DIP2C: variants seen among roughly 807,000 people sequenced by gnomAD.
DIP2C encodes the protein DIP2 acetate--CoA ligase C (putative).
A neutral mutation model predicts 192.4 loss-of-function variants in DIP2C; 33 were observed. The observed-to-expected ratio is 0.17, with a 90% CI of 0.13 to 0.23. The LOEUF is 0.23. Ranked by LOEUF, DIP2C falls within the 10% of genes least tolerant of loss-of-function variation. The pLI, the probability that DIP2C is intolerant of heterozygous loss-of-function variation, is 1.00. For missense variants in DIP2C, 1,537 were observed against 2,110.1 expected (o/e 0.73, Z 5.32); for synonymous variants, 979 against 864.1 (o/e 1.13, Z -2.33).
intron 1 of DIP2C, among the ~76,000 whole-genome samples, chr10:487,061 C>G (rs1844066869): frequency 6.6e-6 from 1 of 152,208 alleles, no homozygotes. Flanking sequence ...TGCAGAAATC[C>G]AGAAGACAAG....
chr10:604,663 TCC>T (rs1852339501), intron 1 of DIP2C, among the ~76,000 whole-genome samples: 1 of 152,252 alleles, frequency 6.6e-6, no homozygotes, highest in African/African-American at 2.4e-5. Flanking sequence ...ATAGTTTTTA[TCC>T]AAAAAGTTCT....
At chr10:359,761 A>G (rs940356936) in intron 22 of DIP2C, among the ~76,000 whole-genome samples, 3 of 152,174 alleles carry the variant, frequency 2.0e-5, no homozygotes, top group Admixed American at 2.0e-4. Flanking sequence ...TCTCTACCAG[A>G]TAGAAGCGTC....
At chr10:618,931 AG>A (rs779751645) in intron 1 of DIP2C, among the ~76,000 whole-genome samples, 17 of 152,246 alleles carry the variant, frequency 1.1e-4, no homozygotes, top group Admixed American at 3.9e-4. Flanking sequence ...AGGTCTGTGT[AG>A]AAAAACATCA....
At chr10:375,009 T>A (rs1021136746) in intron 17 of DIP2C, among the ~76,000 whole-genome samples, 30 of 152,194 alleles carry the variant, frequency 2.0e-4, no homozygotes, top group Non-Finnish European at 5.9e-5. Flanking sequence ...TCTCCAGGAA[T>A]GTAAGGAGGC....
chr10:463,349 C>T (rs1969944678), intron 3 of DIP2C, among the ~76,000 whole-genome samples: 1 of 152,120 alleles, frequency 6.6e-6, no homozygotes. Flanking sequence ...TTCTTATACC[C>T]CAATAATAGA....
chr10:355,962 T>A (rs994038710), intron 24 of DIP2C, among the ~76,000 whole-genome samples: 1 of 152,142 alleles, frequency 6.6e-6, no homozygotes, highest in African/African-American at 2.4e-5. Context: ...GCACTTGTAG[T>A]CCCAGCTACC....
chr10:399,124 C>G lies in DIP2C; in HGVS notation c.1245G>C (p.Val415=), dbSNP rs1181555708. 1.2e-6 allele frequency: 2 copies of G among 1,613,680 alleles called. No individual in the cohort carries two copies. Among genetic ancestry groups the G allele is most frequent in the South Asian group, 2.2e-5 (2 of 91,064 alleles). ...CATTCCTTACCTTCCTGGTGAGCGGCACCTCGATGGGCACGGGGACCACCT... is the reference window on the plus strand; with the variant it reads ...CATTCCTTACCTTCCTGGTGAGCGGGACCTCGATGGGCACGGGGACCACCT... The part of the protein sequence containing the change: ...LAEVVPVPIE[V]PLTRKDAGSQ... Residue 415 remains valine (V), a synonymous_variant, in exon 10 of 37, where the codon GTG becomes GTC. Coordinates refer to ENST00000280886, the MANE Select transcript of DIP2C (RefSeq NM_014974.3).
At chr10:676,503 TAA>T (rs537175244) in intron 1 of DIP2C, among the ~76,000 whole-genome samples, 7 of 138,886 alleles carry the variant, frequency 5.0e-5, no homozygotes, top group African/African-American at 7.9e-5. Flanking sequence ...TCTTATATAT[TAA>T]AAAAAAAAAA....
At chr10:418,471 G>A (rs182503533) in intron 6 of DIP2C, among the ~76,000 whole-genome samples, 35 of 152,268 alleles carry the variant, frequency 2.3e-4, no homozygotes, top group Middle Eastern at 3.4e-3. Flanking sequence ...TTATGACCTC[G>A]GGAAGGACTG....
At chr10:409,678 C>T (rs1255743579) in intron 8 of DIP2C, among the ~76,000 whole-genome samples, 2 of 152,236 alleles carry the variant, frequency 1.3e-5, no homozygotes, top group South Asian at 2.1e-4. Flanking sequence ...GCCGGTCTCA[C>T]GTGAATGTGA....
intron 4 of DIP2C, among the ~76,000 whole-genome samples, chr10:428,197 A>G (rs934108992): frequency 4.6e-5 from 7 of 152,292 alleles, no homozygotes; most frequent in Admixed American, 1.3e-4. Flanking sequence ...ACTAAAAACC[A>G]TAAAATCATA....
In DIP2C at chr10:376,984, A is replaced by T. The variant is rs1448636871; in HGVS notation, c.1991+5663T>A. On this transcript the variant is annotated intron_variant, in intron 17 of 36. Transcript: ENST00000280886. ...ATAGGAAAAGATACAATGTAAAAGC[A>T]GCCAATATATTAAGTTATGAGTTGA... is the stretch of plus-strand genomic sequence containing the variant. 2.0e-5 allele frequency among the ~76,000 whole-genome samples: 3 copies of T among 152,210 alleles called. No homozygotes were observed. The East Asian group carries it at 5.8e-4, about 29-fold the overall frequency.
chr10:602,654 A>C (rs1354290255), intron 1 of DIP2C, among the ~76,000 whole-genome samples: 2 of 152,062 alleles, frequency 1.3e-5, no homozygotes, highest in Non-Finnish European at 2.9e-5. Flanking sequence ...TGAGCTACAG[A>C]TCACCCAATC....
intron 1 of DIP2C, among the ~76,000 whole-genome samples, chr10:574,066 T>C (rs935231606): frequency 6.6e-6 from 1 of 152,252 alleles, no homozygotes. Flanking sequence ...GAAAACTGCA[T>C]AGCAGATTTT....
intron 1 of DIP2C, among the ~76,000 whole-genome samples, chr10:616,979 G>T (rs1392268449): frequency 6.6e-6 from 1 of 152,110 alleles, no homozygotes; most frequent in Non-Finnish European, 1.5e-5. Context: ...GAGACTCCGT[G>T]ATTTAAGGAA....
In DIP2C at chr10:366,630, A is replaced by G. The variant is rs74596378; in HGVS notation, c.2132-219T>C. On this transcript the variant is annotated intron_variant, in intron 18 of 36. Coordinates refer to ENST00000280886, the MANE Select transcript of DIP2C (RefSeq NM_014974.3). ...AAATTTCATAGTTGAAACATCAATA[A>G]ATATTTCAATTGCTTTAATGTTAAT... Among the ~76,000 whole-genome samples the G allele has an allele frequency of 2.3e-3, 348 of 152,210 alleles. 5 individuals carry two copies. The highest frequency in any genetic ancestry group is 7.1e-3 in the African/African-American group (296 of 41,522).
At chr10:465,241 A>G (rs1411040969) in intron 3 of DIP2C, among the ~76,000 whole-genome samples, 1 of 146,438 alleles carries the variant, frequency 6.8e-6, no homozygotes, top group Non-Finnish European at 1.5e-5. Context: ...ATATACTCAA[A>G]TCAATAAATG....
At chr10:521,989 CTG>C (rs984202582) in intron 1 of DIP2C, among the ~76,000 whole-genome samples, 1 of 152,084 alleles carries the variant, frequency 6.6e-6, no homozygotes, top group African/African-American at 2.4e-5. Context: ...GCTGCTCACT[CTG>C]TGGGTTTCAC....
chr10:619,512 G>GCCAGGC (rs1853705673), intron 1 of DIP2C, among the ~76,000 whole-genome samples: 1 of 129,166 alleles, frequency 7.7e-6, no homozygotes, highest in African/African-American at 3.7e-5. Flanking sequence ...CAGGCTTTAT[G>GCCAGGC]CCAGGGCCAG....
Sources: allele counts gnomAD v4.1 joint callset (sites outside exome capture counted in the v4.1 genomes callset), GRCh38; gene constraint gnomAD v4.1.1; transcripts MANE v1.5; gene names NCBI Gene and HGNC (gene_info 2026-07-23, HGNC 2026-07-21).